Variants in TUBB6 observed in about 807,000 individuals in gnomAD.
The protein encoded by TUBB6 is tubulin beta 6 class V.
A neutral mutation model predicts 32.3 loss-of-function variants in TUBB6; 18 were observed. That is an observed-to-expected ratio of 0.56 (90% CI 0.39 to 0.83). The LOEUF (loss-of-function observed/expected upper bound fraction) is 0.83. Among genes scored for constraint, TUBB6 ranks in the 40% least tolerant of loss-of-function variants. TUBB6 has a pLI of 0.00. For synonymous variants in TUBB6, 280 were observed against 265.8 expected, an observed-to-expected ratio of 1.05 and a Z score of -0.52; for missense variants, 480 against 632.0, an observed-to-expected ratio of 0.76 and a Z score of 2.58.
chr18:12,329,622 C>T, downstream of TUBB6: 1 of 1,614,192 alleles, frequency 6.2e-7, no homozygotes, highest in Non-Finnish European at 8.5e-7. Context: ...GCTCCTTGTT[C>T]CAGTCCTTAA....
chr18:12,313,483 C>T (rs950311291), intron 3 of TUBB6, among the ~76,000 whole-genome samples: 8 of 152,164 alleles, frequency 5.3e-5, no homozygotes, highest in Admixed American at 5.2e-4. Context: ...GGACACTAGA[C>T]TTTGAGTGCT....
At chr18:12,310,745 T>C (rs930944061) in intron 2 of TUBB6, among the ~76,000 whole-genome samples, 198 bp from the exon 3 acceptor site, 16 of 152,144 alleles carry the variant, frequency 1.1e-4, no homozygotes, top group Admixed American at 8.5e-4. Context: ...CACCTCAGCC[T>C]CCCAATGTGC....
chr18:12,318,664 G>A (rs1004395348), intron 3 of TUBB6, among the ~76,000 whole-genome samples: 1 of 152,130 alleles, frequency 6.6e-6, no homozygotes, highest in Non-Finnish European at 1.5e-5. Context: ...GGAGGCTGAT[G>A]CTGCAGACAA....
At chr18:12,318,202 G>A (rs1390700626) in intron 3 of TUBB6, among the ~76,000 whole-genome samples, 1 of 151,768 alleles carries the variant, frequency 6.6e-6, no homozygotes, top group Admixed American at 6.6e-5. Flanking sequence ...GACCAGCCCC[G>A]AGCTTGTTCC....
chr18:12,319,736 T>A (rs1906879764), intron 3 of TUBB6, among the ~76,000 whole-genome samples: 1 of 152,112 alleles, frequency 6.6e-6, no homozygotes, highest in East Asian at 1.9e-4. Context: ...GGATGATCAC[T>A]TGAGTTCAAA....
chr18:12,309,426 T>A (rs1906235184), intron 2 of TUBB6, among the ~76,000 whole-genome samples: 1 of 125,652 alleles, frequency 8.0e-6, no homozygotes, highest in African/African-American at 3.0e-5. Context: ...GTTTAAAACG[T>A]ATCTCTTATT....
At chr18:12,316,291 A>G (rs113702817) in intron 3 of TUBB6, among the ~76,000 whole-genome samples, 6 of 152,370 alleles carry the variant, frequency 3.9e-5, no homozygotes, top group Middle Eastern at 3.4e-3. Flanking sequence ...TGAATTGAAC[A>G]TTGGGAGAGT....
chr18:12,320,034 C>T lies in TUBB6; in HGVS notation c.278-5033C>T, dbSNP rs375828078. Among the ~76,000 whole-genome samples the T allele has an allele frequency of 7.9e-5, 12 of 152,014 alleles. No individual in the cohort carries two copies. In the East Asian group the frequency reaches 1.2e-3, roughly 15 times the overall value. On this transcript the variant is annotated intron_variant, in intron 3 of 3. Transcript: ENST00000317702. ...CAATCTCCTGACCTCGTGATCCACC[C>T]GCCTCGGCCTCCCAAAGTGCTAAGA...
At chr18:12,314,771 C>T (rs1011581806) in intron 3 of TUBB6, among the ~76,000 whole-genome samples, 1 of 152,142 alleles carries the variant, frequency 6.6e-6, no homozygotes, top group Admixed American at 6.5e-5. Context: ...TCAGCTGTGG[C>T]TGAGAATTAA....
chr18:12,311,092 T>G (rs1269298219), intron 3 of TUBB6, 39 bp downstream of exon 3: 1 of 1,493,032 alleles, frequency 6.7e-7, no homozygotes, highest in Non-Finnish European at 9.2e-7. Context: ...TCTTCTTTTA[T>G]TTTTTTAAAT....
chr18:12,327,521 C>G (rs1021404647), downstream of TUBB6, among the ~76,000 whole-genome samples: 1 of 152,186 alleles, frequency 6.6e-6, no homozygotes, highest in African/African-American at 2.4e-5. Flanking sequence ...GATCACAGAT[C>G]TTTTTGCAGA....
At position 12,308,901 on chromosome 18, in the gene TUBB6, G is replaced by A. The variant is rs1007951441; in HGVS notation, c.166+106G>A. On this transcript the variant is annotated intron_variant, in intron 2 of 3. Coordinates refer to ENST00000317702, the MANE Select transcript of TUBB6 (RefSeq NM_032525.3). ...GCTTCGGGAAAAGTTCTCTCGGGGT[G>A]TAGCAGGATGCCCGGCCACTCCCTT... The A allele has an allele frequency of 2.1e-4, 157 of 736,154 alleles. 1 individual carries two copies. In the African/African-American group the frequency reaches 2.5e-3, roughly 12 times the overall value. 45.6% of individuals were successfully genotyped at this position (736,154 alleles called of 1,614,324 possible).
downstream of TUBB6, among the ~76,000 whole-genome samples, chr18:12,326,847 G>C (rs1244845246): frequency 6.6e-6 from 1 of 152,138 alleles, no homozygotes; most frequent in Non-Finnish European, 1.5e-5. Flanking sequence ...TCCTGGGCTA[G>C]GGTTCCCCAA....
intron 3 of TUBB6, among the ~76,000 whole-genome samples, chr18:12,312,474 C>G (rs940257789): frequency 6.6e-6 from 1 of 152,088 alleles, no homozygotes; most frequent in Admixed American, 6.5e-5. Context: ...ACTTAATTTC[C>G]TCATCACAAG....
intron 3 of TUBB6, among the ~76,000 whole-genome samples, chr18:12,313,693 C>A (rs924147082): frequency 6.6e-6 from 1 of 152,174 alleles, no homozygotes. Flanking sequence ...GCTGCTAAGA[C>A]CTAGTGTTGG....
downstream of TUBB6, among the ~76,000 whole-genome samples, chr18:12,327,630 A>G (rs1907381311): frequency 6.6e-6 from 1 of 152,220 alleles, no homozygotes. Flanking sequence ...GGAAAGATCT[A>G]TGCATGAGCA....
At chr18:12,311,689 G>T (rs933544444) in intron 3 of TUBB6, among the ~76,000 whole-genome samples, 1 of 152,142 alleles carries the variant, frequency 6.6e-6, no homozygotes, top group Non-Finnish European at 1.5e-5. Flanking sequence ...TTTGCCATTT[G>T]TTTTTGGTTC....
Position 12,325,204 on chromosome 18 carries a change from C to T in TUBB6, c.415C>T (p.Leu139=). The T allele has an allele frequency of 6.2e-7, 1 of 1,614,130 alleles. No homozygotes were observed. Among genetic ancestry groups the T allele is most frequent in the East Asian group, 2.2e-5 (1 of 44,884 alleles). The change falls in exon 4 of 4, where the codon CTG becomes TTG. Residue 139 remains leucine (L), a synonymous_variant. Transcript: ENST00000317702. ...GCAGGGCTTCCAGCTCACGCACTCG[C>T]TGGGCGGCGGCACGGGCTCAGGCAT... The part of the protein sequence containing the change: ...CLQGFQLTHS[L]GGGTGSGMGT...
intron 3 of TUBB6, among the ~76,000 whole-genome samples, chr18:12,316,610 T>C (rs1372050310): frequency 6.6e-6 from 1 of 152,246 alleles, no homozygotes; most frequent in Non-Finnish European, 1.5e-5. Context: ...TTTAAATGAA[T>C]ATGCTTATTT....
Sources: gnomAD v4.1 joint callset for allele counts (sites outside exome capture counted in the v4.1 genomes callset) on GRCh38, gnomAD v4.1.1 for gene constraint, MANE v1.5 for transcripts, NCBI Gene and HGNC (gene_info 2026-07-23, HGNC 2026-07-21) for gene names.